The following SORBS2 variants were observed in gnomAD, a reference collection of about 807,000 sequenced individuals.
SORBS2 encodes sorbin and SH3 domain-containing protein 2.
In SORBS2, 46 loss-of-function variants were observed where a neutral mutation model predicts 97.7. The observed-to-expected ratio is 0.47, with a 90% confidence interval of 0.37 to 0.60. The LOEUF is 0.60. Among genes scored for constraint, SORBS2 ranks in the 20% least tolerant of loss-of-function variants. The probability of loss-of-function intolerance (pLI) is 0.00; values close to 1 mark genes in which losing one functional copy is unlikely to be tolerated. For synonymous variants in SORBS2, 476 were observed against 473.4 expected (o/e 1.01, Z -0.07); for missense variants, 1,316 against 1,282.3 (o/e 1.03, Z -0.40).
chr4:185,631,652 C>T (rs1351095144), intron 4 of SORBS2, among the ~76,000 whole-genome samples: 7 of 152,108 alleles, frequency 4.6e-5, no homozygotes, highest in Non-Finnish European at 8.8e-5. Context: ...ATCCCAGCCA[C>T]GCAGGAGGCT....
At chr4:185,649,313 C>A (rs2097269677) in intron 3 of SORBS2, among the ~76,000 whole-genome samples, 154 bp downstream of exon 12, 1 of 152,118 alleles carries the variant, frequency 6.6e-6, no homozygotes, top group South Asian at 2.1e-4. Context: ...TGCTACAATC[C>A]CAGCAGAGGA....
intron 2 of SORBS2, among the ~76,000 whole-genome samples, chr4:185,650,420 T>C (rs1419114432): frequency 6.6e-6 from 1 of 151,864 alleles, no homozygotes; most frequent in Non-Finnish European, 1.5e-5. Flanking sequence ...AAGTGCAAGG[T>C]GTGAAGCCAT....
chr4:185,602,173 C>T (rs1413014124), intron 12 of SORBS2, among the ~76,000 whole-genome samples: 3 of 152,104 alleles, frequency 2.0e-5, no homozygotes, highest in Non-Finnish European at 4.4e-5. Context: ...CCACGTCCGG[C>T]TAATTTTTGT....
intron 5 of SORBS2, among the ~76,000 whole-genome samples, chr4:185,629,815 C>T (rs1476112909): frequency 6.6e-6 from 1 of 152,084 alleles, no homozygotes; most frequent in African/African-American, 2.4e-5. Flanking sequence ...CCCCCCTCAG[C>T]CTCCCAACTG....
chr4:185,688,241 C>T (rs28640934), intron 2 of SORBS2, among the ~76,000 whole-genome samples: 18,491 of 152,086 alleles, frequency 0.12, 1,393 homozygotes, highest in African/African-American at 0.21. Flanking sequence ...GTTTATTATG[C>T]ACTGATTAAA....
intron 1 of SORBS2, among the ~76,000 whole-genome samples, chr4:185,836,504 T>C (rs2099208137): frequency 6.6e-6 from 1 of 152,208 alleles, no homozygotes. Context: ...CAATATTTAC[T>C]AAGTGATTAT....
chr4:185,755,462 G>A (rs1370237025), intron 2 of SORBS2, among the ~76,000 whole-genome samples: 3 of 152,200 alleles, frequency 2.0e-5, no homozygotes, highest in African/African-American at 7.2e-5. Context: ...GGCACCAGAA[G>A]CATACACAAA....
At chr4:185,805,119 T>A (rs567261473) in intron 1 of SORBS2, among the ~76,000 whole-genome samples, 1 of 152,304 alleles carries the variant, frequency 6.6e-6, no homozygotes, top group African/African-American at 2.4e-5. Flanking sequence ...GTTTTTCTTA[T>A]CTTCTGAATT....
chr4:185,784,154 C>T (rs944849889), intron 1 of SORBS2, among the ~76,000 whole-genome samples: 5 of 152,056 alleles, frequency 3.3e-5, no homozygotes, highest in Middle Eastern at 3.2e-3. Context: ...TTTTTTGAGA[C>T]GGAGTCTGGA....
At chr4:185,914,594 C>T (rs187182720) in intron 1 of SORBS2, among the ~76,000 whole-genome samples, 104 of 152,254 alleles carry the variant, frequency 6.8e-4, no homozygotes, top group African/African-American at 2.3e-3. Flanking sequence ...TTACCGTGAA[C>T]GCACGTTCAT....
intron 4 of SORBS2, among the ~76,000 whole-genome samples, chr4:185,640,104 TAGGAGTAATTACAGAC>T (rs2097101985): frequency 6.6e-6 from 1 of 152,320 alleles, no homozygotes; most frequent in South Asian, 2.1e-4. Context: ...TAAAAGATTA[TAGGAGTAATTACAGAC>T]AATGATAGAA....
intron 1 of SORBS2, among the ~76,000 whole-genome samples, chr4:185,931,070 TTATAAG>T (rs1375705025): frequency 5.9e-5 from 9 of 152,202 alleles, no homozygotes; most frequent in East Asian, 5.8e-4. Flanking sequence ...TATGGTATAA[TTATAAG>T]TATATGAACA....
At chr4:185,766,832 C>T (rs2098936676) in intron 2 of SORBS2, among the ~76,000 whole-genome samples, 3 of 152,248 alleles carry the variant, frequency 2.0e-5, no homozygotes, top group African/African-American at 7.2e-5. Flanking sequence ...ACATGCAATG[C>T]CTTAAAAATA....
chr4:185,629,788 CTT>C (rs1262581840), intron 5 of SORBS2, among the ~76,000 whole-genome samples: 3 of 151,986 alleles, frequency 2.0e-5, no homozygotes, highest in East Asian at 1.9e-4. Flanking sequence ...GTCTCAATCT[CTT>C]GACCTCATGA....
intron 1 of SORBS2, among the ~76,000 whole-genome samples, chr4:185,825,553 A>G (rs1437622008): frequency 6.6e-6 from 1 of 152,234 alleles, no homozygotes; most frequent in African/African-American, 2.4e-5. Flanking sequence ...TCAGAAGGAA[A>G]TGGTGATGTT....
chr4:185,907,842 C>A (rs1203549064), intron 1 of SORBS2, among the ~76,000 whole-genome samples: 1 of 152,080 alleles, frequency 6.6e-6, no homozygotes, highest in Admixed American at 6.6e-5. Flanking sequence ...TACAAATGTG[C>A]CTTTGGTTTT....
At chr4:185,754,870 G>C (rs551589745) in intron 2 of SORBS2, among the ~76,000 whole-genome samples, 1 of 152,322 alleles carries the variant, frequency 6.6e-6, no homozygotes, top group Non-Finnish European at 1.5e-5. Flanking sequence ...ACCTGGAAGG[G>C]CAATACATCA....
chr4:185,917,082 A>G (rs1333830007), intron 1 of SORBS2, among the ~76,000 whole-genome samples: 3 of 152,152 alleles, frequency 2.0e-5, no homozygotes, highest in Non-Finnish European at 4.4e-5. Context: ...ATACTCTATA[A>G]AGTCCCTGAG....
intron 2 of SORBS2, among the ~76,000 whole-genome samples, chr4:185,701,661 T>C (rs1415025459): frequency 6.6e-6 from 1 of 152,210 alleles, no homozygotes; most frequent in Admixed American, 6.5e-5. Context: ...ACTATTATTA[T>C]TGGGATGTTG....
Sources: gnomAD v4.1 joint callset for allele counts (sites outside exome capture counted in the v4.1 genomes callset) on GRCh38, gnomAD v4.1.1 for gene constraint, MANE v1.5 for transcripts, NCBI Gene and HGNC (gene_info 2026-07-23, HGNC 2026-07-21) for gene names.